MLPH: variants seen among roughly 807,000 people sequenced by gnomAD.
The protein encoded by MLPH is exophilin-3.
Under a neutral mutation model 72.1 loss-of-function variants are expected in MLPH, and 51 were observed. The observed-to-expected ratio is 0.71, with a 90% CI of 0.56 to 0.89. The LOEUF is 0.89. MLPH is among the 40% of genes least tolerant of loss of function. The probability of loss-of-function intolerance (pLI) is 0.00; values close to 1 mark genes in which losing one functional copy is unlikely to be tolerated. For synonymous variants in MLPH, 301 were observed against 310.1 expected (o/e 0.97, Z 0.31); for missense variants, 743 against 759.9 (o/e 0.98, Z 0.26).
At chr2:237,528,359 A>AT (rs34696202) in intron 8 of MLPH, among the ~76,000 whole-genome samples, 19,021 of 150,552 alleles carry the variant, frequency 0.13, 2,832 homozygotes, top group African/African-American at 0.36. Context: ...TTTTTTTTTA[A>AT]TTTTTTTTTG....
intron 12 of MLPH, chr2:237,545,576 C>T (rs527402883): frequency 2.8e-4 from 358 of 1,287,862 alleles, no homozygotes; most frequent in Non-Finnish European, 3.0e-4. Flanking sequence ...ATCCTTAGTC[C>T]GCCGCCACGT....
chr2:237,539,136 T>G, intron 9 of MLPH, among the ~76,000 whole-genome samples: 1 of 147,520 alleles, frequency 6.8e-6, no homozygotes, highest in Non-Finnish European at 1.5e-5. Context: ...CTCTGCCTTT[T>G]ACTATGGGGG....
chr2:237,507,134 T>C (rs1288227375), intron 2 of MLPH: 1 of 140,678 alleles, frequency 7.1e-6, no homozygotes, highest in African/African-American at 2.6e-5. Context: ...TAGCGTAATC[T>C]CGGCTTACTG....
At chr2:237,517,743 GGA>G (rs2080078803) in intron 4 of MLPH, among the ~76,000 whole-genome samples, 1 of 129,112 alleles carries the variant, frequency 7.7e-6, no homozygotes, top group African/African-American at 2.8e-5. Context: ...ATGGATGGAT[GGA>G]TGGATGGATG....
At chr2:237,527,610 T>A in intron 8 of MLPH, 94 bp downstream of exon 8, 1 of 1,500,312 alleles carries the variant, frequency 6.7e-7, no homozygotes, top group Non-Finnish European at 9.2e-7. Context: ...TTACAGCTTT[T>A]AATACTTTCA....
chr2:237,517,847 G>A (rs1330539863), intron 4 of MLPH, among the ~76,000 whole-genome samples: 1 of 151,226 alleles, frequency 6.6e-6, no homozygotes, highest in Non-Finnish European at 1.5e-5. Flanking sequence ...GAGAGGCATG[G>A]GTGGTAGGTG....
At chr2:237,503,164 A>T (rs1181566366) in intron 2 of MLPH, among the ~76,000 whole-genome samples, 1 of 152,146 alleles carries the variant, frequency 6.6e-6, no homozygotes, top group Non-Finnish European at 1.5e-5. Flanking sequence ...TTTTTTGATC[A>T]TAAGGAATTT....
chr2:237,542,555 G>C lies in MLPH; in HGVS notation c.1447-12G>C, dbSNP rs1255462452. On this transcript the variant is annotated splice_polypyrimidine_tract_variant and intron_variant, in intron 11 of 15. Coordinates refer to ENST00000264605, the MANE Select transcript of MLPH (RefSeq NM_024101.7). Reference sequence around the variant, plus strand: ...CTGTCTGACGGGCCTTCTGTCTGCTGTCCTCTCGCAGGTTTCAGACATTGA... The same window carrying C: ...CTGTCTGACGGGCCTTCTGTCTGCTCTCCTCTCGCAGGTTTCAGACATTGA... 1.9e-6 allele frequency: 3 copies of C among 1,587,646 alleles called. No individual in the cohort carries two copies. The African/African-American group carries it at 4.0e-5, about 21-fold the overall frequency.
At chr2:237,535,141 C>T (rs9646716) in intron 9 of MLPH, among the ~76,000 whole-genome samples, 30,063 of 151,996 alleles carry the variant, frequency 0.2, 3,580 homozygotes, top group African/African-American at 0.33. Flanking sequence ...AAGTCTAGGA[C>T]CAAGGGGTGG....
At chr2:237,523,473 C>G (rs1251226995) in intron 6 of MLPH, among the ~76,000 whole-genome samples, 1 of 152,180 alleles carries the variant, frequency 6.6e-6, no homozygotes, top group African/African-American at 2.4e-5. Context: ...TTGTTAGACA[C>G]AGGGGCATGA....
chr2:237,499,092 C>G (rs2079595108), intron 2 of MLPH, among the ~76,000 whole-genome samples: 4 of 150,302 alleles, frequency 2.7e-5, no homozygotes, highest in Admixed American at 2.6e-4. Context: ...AGGGTTTCGT[C>G]CATATGCTTT....
chr2:237,487,698 C>T (rs1178949653), intron 1 of MLPH, among the ~76,000 whole-genome samples: 2 of 152,198 alleles, frequency 1.3e-5, no homozygotes, highest in African/African-American at 4.8e-5. Context: ...GCGGGGGATC[C>T]CCATTTTGGG....
intron 8 of MLPH, chr2:237,527,801 A>T: frequency 2.1e-6 from 1 of 466,944 alleles, no homozygotes; most frequent in East Asian, 4.3e-5. Context: ...AAAATTGAAG[A>T]CAGGGACTGA....
intron 14 of MLPH, among the ~76,000 whole-genome samples, chr2:237,550,715 A>G (rs972552172): frequency 2.0e-5 from 3 of 151,966 alleles, no homozygotes; most frequent in Non-Finnish European, 4.4e-5. Context: ...ATGCTAGGCT[A>G]ATTTTGTATC....
At chr2:237,552,534 A>G (rs2081060453) in intron 15 of MLPH, 97 bp downstream of exon 15, 2 of 1,049,868 alleles carry the variant, frequency 1.9e-6, no homozygotes, top group Admixed American at 2.1e-5. Flanking sequence ...GAAAATGGAG[A>G]TAAACAAAAC....
chr2:237,496,960 C>A (rs1235630198), intron 2 of MLPH, among the ~76,000 whole-genome samples: 2 of 152,138 alleles, frequency 1.3e-5, no homozygotes, highest in African/African-American at 4.8e-5. Flanking sequence ...TGGTCCCCAA[C>A]CTTTTTGGTA....
At chr2:237,533,947 G>C (rs2080478331) in intron 8 of MLPH, among the ~76,000 whole-genome samples, 1 of 152,206 alleles carries the variant, frequency 6.6e-6, no homozygotes, top group Non-Finnish European at 1.5e-5. Flanking sequence ...TTAAAGCCAG[G>C]TGAGCCGTAA....
At position 237,509,023 on chromosome 2, in the gene MLPH, T is replaced by C. The variant is rs186070569; in HGVS notation, c.111-1551T>C. Among the ~76,000 whole-genome samples, 9 of 152,248 alleles carry C rather than the reference T, an allele frequency of 5.9e-5. No individual in the cohort carries two copies. The East Asian group carries it at 1.5e-3, about 26-fold the overall frequency. ...CTTCTGGTCAACCCAATTAGCAGAG[T>C]GCATGGAGTGCTCTGGCCCCATTCA... is the stretch of plus-strand genomic sequence containing the variant. On this transcript the variant is annotated intron_variant, in intron 2 of 15. Coordinates refer to ENST00000264605, the MANE Select transcript of MLPH (RefSeq NM_024101.7).
intron 6 of MLPH, among the ~76,000 whole-genome samples, chr2:237,521,856 A>G (rs1229982503): frequency 1.4e-5 from 2 of 141,972 alleles, no homozygotes; most frequent in African/African-American, 2.9e-5. Context: ...TGCTACAACT[A>G]TAGTGCTGGA....
Sources: gnomAD v4.1 joint callset for allele counts (sites outside exome capture counted in the v4.1 genomes callset) on GRCh38, gnomAD v4.1.1 for gene constraint, MANE v1.5 for transcripts, NCBI Gene and HGNC (gene_info 2026-07-23, HGNC 2026-07-21) for gene names.